Variants in TGM4 observed in about 807,000 individuals in gnomAD.
The protein encoded by TGM4 is transglutaminase 4.
In TGM4, 61 loss-of-function variants were observed where a neutral mutation model predicts 76.3. That is an observed-to-expected ratio of 0.80 (90% confidence interval 0.65 to 0.99). The LOEUF is 0.99. TGM4 is among the 50% of genes least tolerant of loss of function. The pLI, the probability that TGM4 is intolerant of heterozygous loss-of-function variation, is 0.00. For synonymous variants in TGM4, 337 were observed against 329.8 expected (o/e 1.02, Z -0.24); for missense variants, 794 against 843.2 (o/e 0.94, Z 0.72).
intron 5 of TGM4, among the ~76,000 whole-genome samples, chr3:44,895,560 G>A (rs1699767989): frequency 6.6e-6 from 1 of 152,096 alleles, no homozygotes; most frequent in Non-Finnish European, 1.5e-5. Flanking sequence ...GGAGGTGGGT[G>A]GATCACTTGA....
intron 1 of TGM4, among the ~76,000 whole-genome samples, chr3:44,880,411 G>A (rs1353262546): frequency 6.6e-6 from 1 of 152,222 alleles, no homozygotes; most frequent in Non-Finnish European, 1.5e-5. Context: ...AGAAAGAGGT[G>A]ATGTTTGAAA....
Position 44,874,613 on chromosome 3 carries a change from CTG to C in TGM4, c.-61_-60del. 1 of 1,605,080 alleles carries C rather than the reference CTG, an allele frequency of 6.2e-7. No homozygotes were observed. The highest frequency in any genetic ancestry group is 8.5e-7 in the Non-Finnish European group (1 of 1,172,112). ...GGCTGTTTCCTCCCCTGAGGACCGA[CTG>C]TGTGGAAGCACCAGGCATCAGAGAT... is the stretch of plus-strand genomic sequence containing the variant. On this transcript the variant is annotated 5_prime_UTR_variant, in exon 1 of 14. Coordinates refer to ENST00000296125, the MANE Select transcript of TGM4 (RefSeq NM_003241.4).
chr3:44,904,659 C>G (rs1260019096), intron 9 of TGM4, among the ~76,000 whole-genome samples: 2 of 152,170 alleles, frequency 1.3e-5, no homozygotes, highest in African/African-American at 4.8e-5. Flanking sequence ...TAGATTAGCT[C>G]AATAATTCTC....
chr3:44,886,276 G>A (rs765345240), intron 2 of TGM4, among the ~76,000 whole-genome samples: 1 of 152,202 alleles, frequency 6.6e-6, no homozygotes, highest in Non-Finnish European at 1.5e-5. Flanking sequence ...GGGAGGTGGA[G>A]GTTGCAGGGA....
In TGM4 at chr3:44,907,098, G is replaced by A. The variant is rs9876921; in HGVS notation, c.1225G>A (p.Val409Ile). Residue 409 changes from valine (V) to isoleucine (I), a missense_variant, in exon 10 of 14, where the codon GTA becomes ATA. Transcript: ENST00000296125. The part of the protein sequence containing the change: ...KMVNGQEELH[V>I]ISMETTSIGK... ...GGTGAATGGGCAGGAGGAGTTACAC[G>A]TAATTTCAATGGAGACCACAAGCAT... The A allele has an allele frequency of 0.51, 818,523 of 1,613,718 alleles. 214,105 individuals are homozygous for A. Among genetic ancestry groups the A allele is most frequent in the East Asian group, 0.86 (38,422 of 44,858 alleles).
At chr3:44,898,414 C>T (rs1699809704) in intron 6 of TGM4, among the ~76,000 whole-genome samples, 1 of 152,086 alleles carries the variant, frequency 6.6e-6, no homozygotes, top group Admixed American at 6.5e-5. Flanking sequence ...AATCTGAAAC[C>T]ACGATTTTTC....
intron 3 of TGM4, 23 bp from the exon 4 acceptor site, chr3:44,890,580 A>C: frequency 6.2e-7 from 1 of 1,612,460 alleles, no homozygotes; most frequent in East Asian, 2.2e-5. Context: ...GGAGATGTCC[A>C]CCTTATCTTA....
intron 10 of TGM4, among the ~76,000 whole-genome samples, chr3:44,908,854 C>A (rs1379312483): frequency 6.6e-6 from 1 of 152,082 alleles, no homozygotes; most frequent in Admixed American, 6.5e-5. Context: ...TACCCTGCCA[C>A]CCCCACACCA....
rs200982271 is a variant in TGM4, at chr3:44,903,978, C to T, written c.1066C>T (p.Arg356Ter). The T allele has an allele frequency of 1.8e-4, 286 of 1,613,772 alleles. 1 individual carries two copies. Among genetic ancestry groups the T allele is most frequent in the Admixed American group, 2.3e-4 (14 of 60,020 alleles). The change falls in exon 9 of 14, where the codon CGA becomes TGA. Residue 356 changes from arginine (R) to a stop codon, truncating the protein, a stop_gained. Coordinates refer to ENST00000296125, the MANE Select transcript of TGM4 (RefSeq NM_003241.4). LOFTEE classifies it high-confidence loss of function. ...WQAVDATPQE[R>*]SQGVFCCGPS... ...GGCTGTGGACGCAACGCCGCAGGAG[C>T]GAAGCCAGGGTGAGTGGGTGGCAGG...
Position 44,885,423 on chromosome 3 carries a change from C to G in TGM4, c.118C>G (p.Gln40Glu), listed in dbSNP as rs369242368. The G allele has an allele frequency of 1.9e-6, 3 of 1,613,672 alleles. No individual in the cohort carries two copies. The highest frequency in any genetic ancestry group is 2.5e-6 in the Non-Finnish European group (3 of 1,180,016). The change falls in exon 2 of 14, where the codon CAG (glutamine) becomes GAG (glutamate). Residue 40 changes from glutamine to glutamate, a missense_variant. Transcript: ENST00000296125. ...GAGCAGTCCTGTGTTCCGGCGAGGA[C>G]AGGTGTTTCACCTGCGGCTGGTGCT... ...QTSSPVFRRG[Q>E]VFHLRLVLNQ...
chr3:44,903,951 C>A lies in TGM4; in HGVS notation c.1039C>A (p.Gln347Lys), dbSNP rs113204640. 2.0e-4 allele frequency: 330 copies of A among 1,614,152 alleles called. 1 individual carries two copies. The African/African-American group carries it at 3.9e-3, about 19-fold the overall frequency. ...TCTGCCCAAGGGCTACGACGGCTGG[C>A]AGGCTGTGGACGCAACGCCGCAGGA... ...PDLPKGYDGW[Q>K]AVDATPQERS... is the part of the protein sequence containing the mutation. Residue 347 changes from glutamine (Q) to lysine (K), a missense_variant, in exon 9 of 14, where the codon CAG becomes AAG. Gln to Lys is a moderately conservative substitution (Grantham distance 53). Transcript: ENST00000296125.
chr3:44,912,669 TG>T (rs1169081436), intron 13 of TGM4, among the ~76,000 whole-genome samples: 2 of 152,176 alleles, frequency 1.3e-5, no homozygotes, highest in Non-Finnish European at 2.9e-5. Context: ...CCTATTTATT[TG>T]GGGGAGAATT....
chr3:44,884,728 C>T (rs180709516), intron 1 of TGM4, among the ~76,000 whole-genome samples: 1 of 152,310 alleles, frequency 6.6e-6, no homozygotes, highest in East Asian at 1.9e-4. Context: ...AGGCTTCACC[C>T]CAGCCACTTT....
chr3:44,913,073 A>AAAT (rs1379848863), intron 13 of TGM4, among the ~76,000 whole-genome samples: 4 of 152,204 alleles, frequency 2.6e-5, no homozygotes, highest in Non-Finnish European at 5.9e-5. Context: ...ATGTGCACAC[A>AAAT]AATTACCTGG....
Position 44,910,995 on chromosome 3 carries a change from C to A in TGM4, c.1644C>A (p.Tyr548Ter). 6.2e-7 allele frequency: 1 copy of A among 1,614,200 alleles called. No homozygotes were observed. The highest frequency in any genetic ancestry group is 8.5e-7 in the Non-Finnish European group (1 of 1,180,028). Residue 548 changes from tyrosine to a stop codon, truncating the protein, a stop_gained, in exon 12 of 14, where the codon TAC (tyrosine) becomes TAA (stop). Coordinates refer to ENST00000296125, the MANE Select transcript of TGM4 (RefSeq NM_003241.4). LOFTEE classifies it high-confidence loss of function. The part of the protein sequence containing the change: ...EVTLTLDSKT[Y>*]INSLAILDDE... ...CTCTGACCTTGGACTCCAAGACCTA[C>A]ATCAACAGCCTGGCTATATTAGATG...
rs1559622026 is a variant in TGM4 at position 44,911,316 on chromosome 3, T to A, written c.1823T>A (p.Ile608Asn). The change falls in exon 13 of 14, where the codon ATC becomes AAC. Residue 608 changes from isoleucine (I) to asparagine (N), a missense_variant. Transcript: ENST00000296125. Reference protein sequence around the residue: ...RIGQLLVCNCIFKNTLAIPLT... With the variant: ...RIGQLLVCNCNFKNTLAIPLT... ...GGCCAGCTACTTGTCTGCAATTGTATCTTCAAGAATACCCTGGCCATCCCT... is the reference window on the plus strand; with the variant it reads ...GGCCAGCTACTTGTCTGCAATTGTAACTTCAAGAATACCCTGGCCATCCCT... 1.9e-6 allele frequency: 3 copies of A among 1,614,266 alleles called. No homozygotes were observed. The highest frequency in any genetic ancestry group is 2.5e-6 in the Non-Finnish European group (3 of 1,180,044).
chr3:44,895,661 G>T (rs1377973818), intron 5 of TGM4, among the ~76,000 whole-genome samples: 1 of 152,098 alleles, frequency 6.6e-6, no homozygotes, highest in African/African-American at 2.4e-5. Context: ...AAAATAAAAA[G>T]AATCTCAAAG....
Position 44,901,620 on chromosome 3 carries a change from A to T in TGM4, c.754A>T (p.Ile252Phe). The T allele has an allele frequency of 6.2e-7, 1 of 1,614,168 alleles. No individual in the cohort carries two copies. The highest frequency in any genetic ancestry group is 8.5e-7 in the Non-Finnish European group (1 of 1,180,000). The change falls in exon 7 of 14, where the codon ATC (isoleucine) becomes TTC (phenylalanine). Residue 252 changes from isoleucine to phenylalanine, a missense_variant. Physicochemically the swap from Ile to Phe is conservative, Grantham distance 21. Transcript: ENST00000296125. ...APYKWTGSAPILQQYYNTKQA... is the reference protein window; with the variant it reads ...APYKWTGSAPFLQQYYNTKQA... The stretch of plus-strand genomic sequence containing the variant: ...ATACAAGTGGACAGGCAGTGCCCCG[A>T]TCCTGCAGCAGTACTACAACACGAA...
At chr3:44,905,292 T>A (rs1699907386) in intron 9 of TGM4, among the ~76,000 whole-genome samples, 1 of 30,334 alleles carries the variant, frequency 3.3e-5, no homozygotes, top group Non-Finnish European at 5.6e-5. Context: ...AGCCTCAAAC[T>A]TTTTTTTTTT....
Sources: allele counts gnomAD v4.1 joint callset (sites outside exome capture counted in the v4.1 genomes callset), GRCh38; gene constraint gnomAD v4.1.1; transcripts MANE v1.5; gene names NCBI Gene and HGNC (gene_info 2026-07-23, HGNC 2026-07-21).